The following MFSD6 variants were observed in gnomAD, a reference collection of about 807,000 sequenced individuals.
MFSD6 encodes the protein major facilitator superfamily domain containing 6.
MFSD6 carries 26 observed loss-of-function variants against 56.3 expected under a neutral mutation model. That is an observed-to-expected ratio of 0.46 (90% CI 0.34 to 0.64). The LOEUF is 0.64. Among genes scored for constraint, MFSD6 ranks in the 30% least tolerant of loss-of-function variants. The pLI, the probability that MFSD6 is intolerant of heterozygous loss-of-function variation, is 0.01. For synonymous variants in MFSD6, 331 were observed against 366.9 expected (o/e 0.90, Z 1.12); for missense variants, 750 against 986.2 (o/e 0.76, Z 3.21).
At chr2:190,466,918 G>A (rs1687636194) in intron 3 of MFSD6, among the ~76,000 whole-genome samples, 1 of 152,186 alleles carries the variant, frequency 6.6e-6, no homozygotes, top group Admixed American at 6.5e-5. Flanking sequence ...AATTCCATCT[G>A]GGAAGAGGTT....
chr2:190,482,878 T>TTTTTTTTTG (rs1688765278), intron 4 of MFSD6, among the ~76,000 whole-genome samples: 1 of 29,622 alleles, frequency 3.4e-5, no homozygotes, highest in Non-Finnish European at 9.3e-5. Flanking sequence ...CTTTTTTTTT[T>TTTTTTTTTG]TTTTTTTTTT....
chr2:190,473,205 CATA>C (rs1254031417), intron 4 of MFSD6, among the ~76,000 whole-genome samples: 1 of 152,190 alleles, frequency 6.6e-6, no homozygotes, highest in East Asian at 1.9e-4. Flanking sequence ...CAGCTAACAT[CATA>C]ATGACAGGAT....
chr2:190,484,080 A>T (rs2125217416), intron 4 of MFSD6, among the ~76,000 whole-genome samples: 1 of 152,226 alleles, frequency 6.6e-6, no homozygotes, highest in Middle Eastern at 3.4e-3. Flanking sequence ...TTCATTCTCA[A>T]TCAATATATT....
At position 190,463,015 on chromosome 2, in the gene MFSD6, G is replaced by C. The variant is rs1276375828; in HGVS notation, c.1533-6743G>C. On this transcript the variant is annotated intron_variant, in intron 3 of 7. Transcript: ENST00000392328. The surrounding 1 kb of genome is among the most constrained non-coding windows in gnomAD (Gnocchi z 4.4). ...TGGTTCTTTCAAACCAGCCAGTCCT[G>C]GAGTGGGACACAGGATGCAGGAGAT... 2.0e-5 allele frequency among the ~76,000 whole-genome samples: 3 copies of C among 152,132 alleles called. No individual in the cohort carries two copies. The highest frequency in any genetic ancestry group is 6.5e-5 in the Admixed American group (1 of 15,278).
chr2:190,434,974 T>A lies in MFSD6; in HGVS notation c.-53-1003T>A, dbSNP rs1316000871. ...TAGGAGCATGAACGCTATTGTGAAC[T>A]GTGCATGCGAGGGATGTAGGTTGTG... On this transcript the variant is annotated intron_variant, in intron 2 of 7. Transcript: ENST00000392328. This position sits in a 1 kb window ranked among gnomAD's most constrained non-coding sequence, Gnocchi z 4.3. Among the ~76,000 whole-genome samples, 1 of 152,198 alleles carries A rather than the reference T, an allele frequency of 6.6e-6. No homozygotes were observed. The highest frequency in any genetic ancestry group is 1.5e-5 in the Non-Finnish European group (1 of 68,036).
chr2:190,461,842 T>A lies in MFSD6; in HGVS notation c.1533-7916T>A, dbSNP rs1687345986. ...CTACAATCTATGATTTCTACCAGTT[T>A]TAATTTTTTTTTTAGTGTGGAACAT... On this transcript the variant is annotated intron_variant, in intron 3 of 7. Transcript: ENST00000392328. This position sits in a 1 kb window ranked among gnomAD's most constrained non-coding sequence, Gnocchi z 5.5. 6.6e-6 allele frequency among the ~76,000 whole-genome samples: 1 copy of A among 152,208 alleles called. No individual in the cohort carries two copies. Among genetic ancestry groups the A allele is most frequent in the Admixed American group, 6.5e-5 (1 of 15,276 alleles).
Position 190,500,150 on chromosome 2 carries a change from C to T in MFSD6, c.2308C>T (p.Pro770Ser). The T allele has an allele frequency of 6.2e-7, 1 of 1,614,160 alleles. No homozygotes were observed. Among genetic ancestry groups the T allele is most frequent in the Non-Finnish European group, 8.5e-7 (1 of 1,180,030 alleles). Residue 770 changes from proline to serine, a missense_variant, in exon 8 of 8, where the codon CCC becomes TCC. Transcript: ENST00000392328. This position sits in a 1 kb window ranked among gnomAD's most constrained non-coding sequence, Gnocchi z 5.3. ...ASQTQTSPAH[P>S]SVDPCTEESE... ...TCAGACGCAGACCAGCCCCGCTCAC[C>T]CCAGTGTGGACCCGTGCACAGAGGA...
In MFSD6 at chr2:190,497,189, A is replaced by C. The variant is rs1277793893; in HGVS notation, c.1892-250A>C. 1.3e-5 allele frequency among the ~76,000 whole-genome samples: 2 copies of C among 152,192 alleles called. No homozygotes were observed. The highest frequency in any genetic ancestry group is 4.8e-5 in the African/African-American group (2 of 41,446). Reference sequence around the variant, plus strand: ...CCCCACTGATGTTCTAAGTTAAATGAAAAATATATTTCTTAAATATATATG... The same window carrying C: ...CCCCACTGATGTTCTAAGTTAAATGCAAAATATATTTCTTAAATATATATG... On this transcript the variant is annotated intron_variant, in intron 6 of 7. Transcript: ENST00000392328. The surrounding 1 kb of genome is among the most constrained non-coding windows in gnomAD (Gnocchi z 5.2).
At chr2:190,422,344 C>T (rs1306868542) in intron 2 of MFSD6, among the ~76,000 whole-genome samples, 1 of 152,172 alleles carries the variant, frequency 6.6e-6, no homozygotes, top group Non-Finnish European at 1.5e-5. Flanking sequence ...TCTGTCATCC[C>T]TGTATTCCTG....
chr2:190,494,878 C>A lies in MFSD6; in HGVS notation c.1892-2561C>A, dbSNP rs911997167. Among the ~76,000 whole-genome samples the A allele has an allele frequency of 1.3e-5, 2 of 152,078 alleles. No individual in the cohort carries two copies. The highest frequency in any genetic ancestry group is 1.3e-4 in the Admixed American group (2 of 15,260). On this transcript the variant is annotated intron_variant, in intron 6 of 7. Coordinates refer to ENST00000392328, the MANE Select transcript of MFSD6 (RefSeq NM_017694.4). The surrounding 1 kb of genome is among the most constrained non-coding windows in gnomAD (Gnocchi z 5.7). ...TGAAATAAAAGCCATTTGTGATAAA[C>A]CCACAGCCAACATAATACTGAACAG...
chr2:190,437,612 T>A lies in MFSD6; in HGVS notation c.1532+51T>A. The A allele has an allele frequency of 6.4e-7, 1 of 1,560,526 alleles. No individual in the cohort carries two copies. Among genetic ancestry groups the A allele is most frequent in the Non-Finnish European group, 8.7e-7 (1 of 1,150,876 alleles). On this transcript the variant is annotated intron_variant, in intron 3 of 7. Transcript: ENST00000392328. The surrounding 1 kb of genome is among the most constrained non-coding windows in gnomAD (Gnocchi z 5.9). ...CCCTCAGCAATTGAACTTTATCTTT[T>A]TATGGTTTATAGCTCCTTCTACTAC...
At position 190,488,624 on chromosome 2, in the gene MFSD6, C is replaced by A; in HGVS notation, c.1631-33C>A. 7.1e-7 allele frequency: 1 copy of A among 1,417,128 alleles called. No individual in the cohort carries two copies. Among genetic ancestry groups the A allele is most frequent in the Non-Finnish European group, 9.3e-7 (1 of 1,076,740 alleles). 87.8% of individuals were successfully genotyped at this position (1,417,128 alleles called of 1,614,324 possible). A position where few individuals can be genotyped will look rare whatever the true frequency, so the allele number is the denominator to read the frequency against. ...ACAGAGTAGCCTAAGAAATGCTAAC[C>A]AACTAATCCCTCCTGCTCTTCTTCC... On this transcript the variant is annotated intron_variant, in intron 4 of 7. Coordinates refer to ENST00000392328, the MANE Select transcript of MFSD6 (RefSeq NM_017694.4). This position sits in a 1 kb window ranked among gnomAD's most constrained non-coding sequence, Gnocchi z 6.4.
chr2:190,454,674 C>G lies in MFSD6; in HGVS notation c.1533-15084C>G, dbSNP rs762922559. Among the ~76,000 whole-genome samples, 12 of 152,102 alleles carry G rather than the reference C, an allele frequency of 7.9e-5. No homozygotes were observed. Among genetic ancestry groups the G allele is most frequent in the Non-Finnish European group, 4.4e-5 (3 of 68,020 alleles). ...TATTCTCAGATTTCCAGCTCCAGAACTATAAGAAATAAATGTCTATTGCTT... is the reference window on the plus strand; with the variant it reads ...TATTCTCAGATTTCCAGCTCCAGAAGTATAAGAAATAAATGTCTATTGCTT... On this transcript the variant is annotated intron_variant, in intron 3 of 7. Transcript: ENST00000392328. This position sits in a 1 kb window ranked among gnomAD's most constrained non-coding sequence, Gnocchi z 4.6.
rs1559142678 is a variant in MFSD6, at chr2:190,491,650, A to G, written c.1891+1784A>G. Reference sequence around the variant, plus strand: ...AGGGAACACCCTGTGGGACAAAAGAATTGAACAGCAGCCTTGAGTGCCAGC... The same window carrying G: ...AGGGAACACCCTGTGGGACAAAAGAGTTGAACAGCAGCCTTGAGTGCCAGC... On this transcript the variant is annotated intron_variant, in intron 6 of 7. Coordinates refer to ENST00000392328, the MANE Select transcript of MFSD6 (RefSeq NM_017694.4). The surrounding 1 kb of genome is among the most constrained non-coding windows in gnomAD (Gnocchi z 4.2). Among the ~76,000 whole-genome samples the G allele has an allele frequency of 6.6e-6, 1 of 152,238 alleles. No individual in the cohort carries two copies. The highest frequency in any genetic ancestry group is 1.5e-5 in the Non-Finnish European group (1 of 68,036).
rs1174939983 is a variant in MFSD6, at chr2:190,447,891, T to G, written c.1532+10330T>G. ...ATCTTTGCAAAGAAATATCTTACCA[T>G]GTAATATAGCTACCAGGCTGACTTA... On this transcript the variant is annotated intron_variant, in intron 3 of 7. Transcript: ENST00000392328. The surrounding 1 kb of genome is among the most constrained non-coding windows in gnomAD (Gnocchi z 4.5). 3.3e-5 allele frequency among the ~76,000 whole-genome samples: 5 copies of G among 152,214 alleles called. No individual in the cohort carries two copies. The highest frequency in any genetic ancestry group is 7.3e-5 in the Non-Finnish European group (5 of 68,036).
At position 190,501,262 on chromosome 2, in the gene MFSD6, G is replaced by A. The variant is rs1162410655; in HGVS notation, c.*1044G>A. On this transcript the variant is annotated 3_prime_UTR_variant, in exon 8 of 8. Coordinates refer to ENST00000392328, the MANE Select transcript of MFSD6 (RefSeq NM_017694.4). ...TTTGGTGAGGAAAAGGTGGTAAATA[G>A]GAAACCATGAATGGGAAGGATGGCA... The A allele has an allele frequency of 1.3e-5, 2 of 152,130 alleles. No homozygotes were observed. Among genetic ancestry groups the A allele is most frequent in the South Asian group, 2.1e-4 (1 of 4,824 alleles). The allele number at this position is 152,130 out of a possible 1,614,324, so 9.4% of individuals were successfully genotyped here.
rs191632809 is a variant in MFSD6 at position 190,447,608 on chromosome 2, A to G, written c.1532+10047A>G. Among the ~76,000 whole-genome samples the G allele has an allele frequency of 2.4e-4, 36 of 152,334 alleles. No homozygotes were observed. The East Asian group carries it at 6.5e-3, about 28-fold the overall frequency. ...CACGTTTTAGGCATTATAAGCTACT[A>G]TCTTCATAATAGCTGGCAATATGAA... On this transcript the variant is annotated intron_variant, in intron 3 of 7. Transcript: ENST00000392328. The surrounding 1 kb of genome is among the most constrained non-coding windows in gnomAD (Gnocchi z 4.5).
At chr2:190,430,794 AGGCGC>A (rs1685948016) in intron 2 of MFSD6, among the ~76,000 whole-genome samples, 1 of 64,406 alleles carries the variant, frequency 1.6e-5, no homozygotes, top group African/African-American at 5.7e-5. Context: ...GGGCGGGCAG[AGGCGC>A]CCCCCCCACC....
At chr2:190,409,187 G>A (rs1342291549) in intron 1 of MFSD6, among the ~76,000 whole-genome samples, 1 of 152,064 alleles carries the variant, frequency 6.6e-6, no homozygotes, top group Non-Finnish European at 1.5e-5. Flanking sequence ...TACTACTGGG[G>A]GTTGCTAGTC....
Sources: gnomAD v4.1 joint callset for allele counts (sites outside exome capture counted in the v4.1 genomes callset) on GRCh38, gnomAD v4.1.1 for gene constraint, Gnocchi (gnomAD v3.1) non-coding constraint, MANE v1.5 for transcripts, NCBI Gene and HGNC (gene_info 2026-07-23, HGNC 2026-07-21) for gene names.